The following DHX35 variants were observed in gnomAD, a reference collection of about 807,000 sequenced individuals.
DHX35 encodes the protein probable ATP-dependent RNA helicase DHX35.
In DHX35, 84 loss-of-function variants were observed where a neutral mutation model predicts 99.6. That is an observed-to-expected ratio of 0.84 (90% confidence interval 0.71 to 1.01). DHX35 has a LOEUF of 1.01. Among genes scored for constraint, DHX35 ranks in the 50% least tolerant of loss-of-function variants. DHX35 has a pLI of 0.00. For synonymous variants in DHX35, 331 were observed against 316.2 expected (o/e 1.05, Z -0.50); for missense variants, 852 against 888.5 (o/e 0.96, Z 0.52).
At chr20:38,996,552 A>G (rs2086432301) in intron 8 of DHX35, among the ~76,000 whole-genome samples, 1 of 152,160 alleles carries the variant, frequency 6.6e-6, no homozygotes, top group East Asian at 1.9e-4. Context: ...GATCATTCTG[A>G]GTGCTGTGTA....
intron 4 of DHX35, among the ~76,000 whole-genome samples, chr20:38,985,331 G>GAGT (rs2086233920): frequency 7.0e-6 from 1 of 142,190 alleles, no homozygotes; most frequent in South Asian, 2.3e-4. Flanking sequence ...AGGTTGCGGT[G>GAGT]AGTTATGATC....
At chr20:39,026,738 G>A (rs1453990042) in intron 18 of DHX35, among the ~76,000 whole-genome samples, 1 of 152,114 alleles carries the variant, frequency 6.6e-6, no homozygotes, top group Non-Finnish European at 1.5e-5. Flanking sequence ...GACGCTCAGA[G>A]AATATTTGAT....
At chr20:38,969,850 T>C (rs1026552459) in intron 2 of DHX35, among the ~76,000 whole-genome samples, 20 of 152,346 alleles carry the variant, frequency 1.3e-4, no homozygotes, top group African/African-American at 4.3e-4. Context: ...AGTTGACATA[T>C]ACACTTTGTC....
At chr20:38,982,604 C>T (rs1049546687) in intron 3 of DHX35, among the ~76,000 whole-genome samples, 3 of 152,180 alleles carry the variant, frequency 2.0e-5, no homozygotes, top group Non-Finnish European at 2.9e-5. Context: ...AGCATTGACA[C>T]GCCCTCTTTA....
At chr20:38,983,391 C>T (rs543529871) in intron 3 of DHX35, among the ~76,000 whole-genome samples, 5 of 152,258 alleles carry the variant, frequency 3.3e-5, no homozygotes, top group African/African-American at 1.2e-4. Context: ...TTTTGAGTGA[C>T]CTGTGGATAA....
intron 12 of DHX35, among the ~76,000 whole-genome samples, chr20:39,008,289 G>A (rs2086650382): frequency 6.6e-6 from 1 of 152,210 alleles, no homozygotes; most frequent in African/African-American, 2.4e-5. Context: ...ATTAGTTGTG[G>A]ACATTTGGGC....
At chr20:39,025,385 G>A (rs1169886511) in intron 18 of DHX35, 26 bp downstream of exon 18, 7 of 1,608,906 alleles carry the variant, frequency 4.4e-6, no homozygotes, top group Non-Finnish European at 5.9e-6. Context: ...CCCAGCTGGT[G>A]ACCTCCCTTG....
At chr20:38,962,737 C>T (rs1273204175) in intron 1 of DHX35, 3 of 354,184 alleles carry the variant, frequency 8.5e-6, no homozygotes, top group East Asian at 5.8e-5. Context: ...TCGTTAGCGC[C>T]CTGGGGTTGC....
rs1427877269 is a variant in DHX35, at chr20:38,964,452, A to T, written c.40+2045A>T. Among the ~76,000 whole-genome samples, 7 of 150,764 alleles carry T rather than the reference A, an allele frequency of 4.6e-5. 1 individual carries two copies. Among genetic ancestry groups the T allele is most frequent in the African/African-American group, 1.7e-4 (7 of 40,928 alleles). On this transcript the variant is annotated intron_variant, in intron 1 of 21. Coordinates refer to ENST00000252011, the MANE Select transcript of DHX35 (RefSeq NM_021931.4). Reference sequence around the variant, plus strand: ...GTTTTCTTTCTTTTTTTTTTTTGAGATGGAGTCTGGCTCAGCCGCCCAGGC... The same window carrying T: ...GTTTTCTTTCTTTTTTTTTTTTGAGTTGGAGTCTGGCTCAGCCGCCCAGGC...
intron 18 of DHX35, among the ~76,000 whole-genome samples, chr20:39,027,961 ATTAC>A (rs1347393144): frequency 6.6e-6 from 1 of 152,242 alleles, no homozygotes; most frequent in Non-Finnish European, 1.5e-5. Context: ...AATTTGAAGA[ATTAC>A]TTCAATTTTC....
At position 39,010,529 on chromosome 20, in the gene DHX35, T is replaced by A. The variant is rs542723017; in HGVS notation, c.1347+125T>A. 1.1e-5 allele frequency: 15 copies of A among 1,361,206 alleles called. No individual in the cohort carries two copies. The African/African-American group carries it at 2.0e-4, about 19-fold the overall frequency. 84.3% of individuals were successfully genotyped at this position (1,361,206 alleles called of 1,614,324 possible). The stretch of plus-strand genomic sequence containing the variant: ...CTACTCAGGTCATGTGTTGTGTGTC[T>A]GCTTTGCAACCAGGCCCTGTGCAGG... On this transcript the variant is annotated intron_variant, in intron 13 of 21. Coordinates refer to ENST00000252011, the MANE Select transcript of DHX35 (RefSeq NM_021931.4).
intron 13 of DHX35, among the ~76,000 whole-genome samples, chr20:39,011,445 T>C (rs1284707405): frequency 1.3e-5 from 2 of 152,126 alleles, no homozygotes; most frequent in African/African-American, 4.8e-5. Context: ...AAGTGATTCT[T>C]GTGCTTCAGC....
At chr20:38,970,431 CT>C (rs2085977386) in intron 2 of DHX35, among the ~76,000 whole-genome samples, 1 of 152,182 alleles carries the variant, frequency 6.6e-6, no homozygotes, top group African/African-American at 2.4e-5. Flanking sequence ...AACACATTCA[CT>C]ATGTATGAAT....
chr20:38,993,126 G>C (rs2086366994), intron 7 of DHX35, among the ~76,000 whole-genome samples: 1 of 152,170 alleles, frequency 6.6e-6, no homozygotes, highest in Non-Finnish European at 1.5e-5. Flanking sequence ...TGGTAGAACA[G>C]GGTGATTAAG....
At chr20:38,974,973 A>C (rs140424955) in intron 3 of DHX35, among the ~76,000 whole-genome samples, 1 of 152,314 alleles carries the variant, frequency 6.6e-6, no homozygotes, top group East Asian at 1.9e-4. Flanking sequence ...TTTTAGGGTT[A>C]AGGGTGTCTA....
intron 20 of DHX35, among the ~76,000 whole-genome samples, chr20:39,031,088 G>C (rs2087042242): frequency 6.6e-6 from 1 of 151,980 alleles, no homozygotes; most frequent in South Asian, 2.1e-4. Context: ...CTTGAACCTG[G>C]GAGGCAGAGG....
intron 11 of DHX35, among the ~76,000 whole-genome samples, chr20:39,004,884 C>T (rs1230678966): frequency 1.3e-5 from 2 of 152,144 alleles, no homozygotes; most frequent in Non-Finnish European, 2.9e-5. Flanking sequence ...AGAGGGTGCT[C>T]AGCCCCTTGA....
intron 12 of DHX35, among the ~76,000 whole-genome samples, chr20:39,007,134 G>A (rs773358835): frequency 3.3e-5 from 5 of 152,152 alleles, no homozygotes; most frequent in Non-Finnish European, 7.3e-5. Context: ...GTTTCTTCTG[G>A]TGTGGCTGCC....
chr20:39,019,705 T>C (rs2086842024), intron 15 of DHX35, among the ~76,000 whole-genome samples: 1 of 152,252 alleles, frequency 6.6e-6, no homozygotes, highest in Non-Finnish European at 1.5e-5. Flanking sequence ...TCATTTTTTT[T>C]GTGCTAAGAA....
Sources: allele counts gnomAD v4.1 joint callset (sites outside exome capture counted in the v4.1 genomes callset), GRCh38; gene constraint gnomAD v4.1.1; transcripts MANE v1.5; gene names NCBI Gene and HGNC (gene_info 2026-07-23, HGNC 2026-07-21).